Variants in TRIM59 observed in about 807,000 individuals in gnomAD.
TRIM59 encodes the protein tripartite motif-containing protein 59.
Under a neutral mutation model 32.2 loss-of-function variants are expected in TRIM59, and 14 were observed. That is an observed-to-expected ratio of 0.43 (90% CI 0.29 to 0.68). The LOEUF is 0.68. Among genes scored for constraint, TRIM59 ranks in the 30% least tolerant of loss-of-function variants. TRIM59 has a pLI of 0.15. For synonymous variants in TRIM59, 163 were observed against 155.1 expected (o/e 1.05, Z -0.38); for missense variants, 471 against 463.3 (o/e 1.02, Z -0.15).
chr3:160,442,016 A>T (rs996995402), intron 2 of TRIM59, among the ~76,000 whole-genome samples: 8 of 152,178 alleles, frequency 5.3e-5, no homozygotes, highest in Non-Finnish European at 1.2e-4. Flanking sequence ...ACCCAAGAAA[A>T]ACAAATGTGT....
intron 2 of TRIM59, among the ~76,000 whole-genome samples, chr3:160,443,705 T>C (rs1176409810): frequency 6.6e-6 from 1 of 151,984 alleles, no homozygotes; most frequent in East Asian, 1.9e-4. Context: ...GTGGCCGCTA[T>C]CTCCTCTCAC....
Position 160,435,759 on chromosome 3 carries a change from C to G in TRIM59, c.*2213G>C, listed in dbSNP as rs773369775. The G allele has an allele frequency of 1.5e-4, 54 of 368,566 alleles. No homozygotes were observed. Among genetic ancestry groups the G allele is most frequent in the Admixed American group, 8.0e-4 (21 of 26,254 alleles). The allele number at this position is 368,566 out of a possible 1,614,324, so 22.8% of individuals were successfully genotyped here. Reference sequence around the variant, plus strand: ...TATACTTACGTTTTTAGCATTCTTACAGATTACAAACCCTTACCAACATTA... The same window carrying G: ...TATACTTACGTTTTTAGCATTCTTAGAGATTACAAACCCTTACCAACATTA... On this transcript the variant is annotated 3_prime_UTR_variant, in exon 3 of 3. Transcript: ENST00000309784.
rs531909165 is a variant in TRIM59 at position 160,445,373 on chromosome 3, C to T, written c.-4+3353G>A. ...CCAGGCTGCAATGAGCCATGAGCCA[C>T]GGTCGTTCCACTGCATTCCAGCCTA... is the stretch of plus-strand genomic sequence containing the variant. On this transcript the variant is annotated intron_variant, in intron 2 of 2. Coordinates refer to ENST00000309784, the MANE Select transcript of TRIM59 (RefSeq NM_173084.3). Among the ~76,000 whole-genome samples the T allele has an allele frequency of 1.2e-4, 18 of 152,030 alleles. No homozygotes were observed. The South Asian group carries it at 3.5e-3, about 30-fold the overall frequency.
At position 160,438,995 on chromosome 3, in the gene TRIM59, A is replaced by C. The variant is rs1719112662; in HGVS notation, c.189T>G (p.Thr63=). The C allele has an allele frequency of 6.2e-7, 1 of 1,613,908 alleles. No homozygotes were observed. Among genetic ancestry groups the C allele is most frequent in the African/African-American group, 1.3e-5 (1 of 75,046 alleles). ...ATTCAATGCCAGTTGGAGCAATTTC[A>C]GTAATACTTCTGCAATTAGGGCACT... The part of the protein sequence containing the change: ...PLKCPNCRSI[T]EIAPTGIESL... The change falls in exon 3 of 3, where the codon ACT becomes ACG. Residue 63 remains threonine (T), a synonymous_variant. Transcript: ENST00000309784.
chr3:160,438,361 C>G lies in TRIM59; in HGVS notation c.823G>C (p.Val275Leu), dbSNP rs544309955. Reference sequence around the variant, plus strand: ...TTGCTTACTCGAGGATAAATTTCAACGGGTTGAACCTCAGGAAGTGGTCTT... The same window carrying G: ...TTGCTTACTCGAGGATAAATTTCAAGGGGTTGAACCTCAGGAAGTGGTCTT... ...KQRPLPEVQPVEIYPRVSKIL... is the reference protein window; with the variant it reads ...KQRPLPEVQPLEIYPRVSKIL... Residue 275 changes from valine to leucine, a missense_variant, in exon 3 of 3, where the codon GTT becomes CTT. By Grantham distance (32) the Val-to-Leu change is conservative. Transcript: ENST00000309784. The G allele has an allele frequency of 6.2e-7, 1 of 1,613,454 alleles. No individual in the cohort carries two copies.
chr3:160,442,219 T>C (rs1389062925), intron 2 of TRIM59, among the ~76,000 whole-genome samples: 1 of 152,186 alleles, frequency 6.6e-6, no homozygotes, highest in Admixed American at 6.6e-5. Context: ...CCCTATTCTA[T>C]GCTTGCAGAA....
At chr3:160,449,388 CCCT>C in intron 1 of TRIM59, 1 of 742,896 alleles carries the variant, frequency 1.3e-6, no homozygotes. Flanking sequence ...TCCCAGGCCT[CCCT>C]CCTAACGCGC....
At chr3:160,442,606 T>G (rs1275467579) in intron 2 of TRIM59, among the ~76,000 whole-genome samples, 1 of 151,966 alleles carries the variant, frequency 6.6e-6, no homozygotes, top group Admixed American at 6.6e-5. Context: ...TCAAAGTTAC[T>G]GCTATCATAT....
In TRIM59 at chr3:160,438,515, T is replaced by G. The variant is rs1719090074; in HGVS notation, c.669A>C (p.Glu223Asp). The change falls in exon 3 of 3, where the codon GAA becomes GAC. Residue 223 changes from glutamate (E) to aspartate (D), a missense_variant. Coordinates refer to ENST00000309784, the MANE Select transcript of TRIM59 (RefSeq NM_173084.3). Reference sequence around the variant, plus strand: ...GCTGCTCTCGTATTTCCTTCATTCTTTCAATTTGTGGAGTATATTCTTGAT... The same window carrying G: ...GCTGCTCTCGTATTTCCTTCATTCTGTCAATTTGTGGAGTATATTCTTGAT... The part of the protein sequence containing the change: ...LINQEYTPQI[E>D]RMKEIREQQL... The G allele has an allele frequency of 3.1e-6, 5 of 1,612,100 alleles. No individual in the cohort carries two copies. The Admixed American group carries it at 5.0e-5, about 16-fold the overall frequency.
In TRIM59 at chr3:160,437,235, T is replaced by C. The variant is rs1444527106; in HGVS notation, c.*737A>G. ...GCCAGGCATGGGGGTGTGTGCCTTG[T>C]CCCAGCTGCTCCAGAGGCAGAGGCG... On this transcript the variant is annotated 3_prime_UTR_variant, in exon 3 of 3. Transcript: ENST00000309784. 1.8e-6 allele frequency: 1 copy of C among 562,888 alleles called. No homozygotes were observed. Among genetic ancestry groups the C allele is most frequent in the Non-Finnish European group, 2.2e-6 (1 of 444,492 alleles). 34.9% of individuals were successfully genotyped at this position (562,888 alleles called of 1,614,324 possible).
At chr3:160,442,935 C>G (rs1320579722) in intron 2 of TRIM59, among the ~76,000 whole-genome samples, 1 of 152,078 alleles carries the variant, frequency 6.6e-6, no homozygotes, top group Admixed American at 6.5e-5. Context: ...CTGGGCAACA[C>G]CAAGAGACCC....
chr3:160,448,963 T>A (rs1220508374), intron 1 of TRIM59, 168 bp from the exon 2 acceptor site: 2 of 328,742 alleles, frequency 6.1e-6, no homozygotes, highest in East Asian at 1.9e-4. Flanking sequence ...GAGGTATCGC[T>A]TGTTCCTTGA....
chr3:160,448,125 AAAAAAT>A (rs1258766104), intron 2 of TRIM59, among the ~76,000 whole-genome samples: 7 of 152,226 alleles, frequency 4.6e-5, no homozygotes, highest in African/African-American at 7.2e-5. Flanking sequence ...TCCCTAAACT[AAAAAAT>A]AAAAATAAAA....
rs1718941803 is a variant in TRIM59, at chr3:160,436,298, A to G, written c.*1674T>C. 2 of 986,922 alleles carry G rather than the reference A, an allele frequency of 2.0e-6. No homozygotes were observed. Among genetic ancestry groups the G allele is most frequent in the African/African-American group, 3.5e-5 (2 of 57,234 alleles). The allele number at this position is 986,922 out of a possible 1,614,324, so 61.1% of individuals were successfully genotyped here. A position where few individuals can be genotyped will look rare whatever the true frequency, so the allele number is the denominator to read the frequency against. On this transcript the variant is annotated 3_prime_UTR_variant, in exon 3 of 3. Coordinates refer to ENST00000309784, the MANE Select transcript of TRIM59 (RefSeq NM_173084.3). Reference sequence around the variant, plus strand: ...AGGAGCATAGTCTAATCTGACCCAGAATGTCTTTTTGATTTGATATAGGTA... The same window carrying G: ...AGGAGCATAGTCTAATCTGACCCAGGATGTCTTTTTGATTTGATATAGGTA...
At position 160,442,558 on chromosome 3, in the gene TRIM59, G is replaced by GAAA. The variant is rs879824298; in HGVS notation, c.-3-3375_-3-3373dup. Among the ~76,000 whole-genome samples, 7 of 139,296 alleles carry GAAA rather than the reference G, an allele frequency of 5.0e-5. No homozygotes were observed. In the South Asian group the frequency reaches 1.4e-3, roughly 27 times the overall value. 91.4% of individuals were successfully genotyped at this position (139,296 alleles called of 152,430 possible). Reference sequence around the variant, plus strand: ...GAGCAAGACTCTGTCTCAAAAAAAGGAAAAAAAAAAAATAGGAAGCAAAAA... The same window carrying GAAA: ...GAGCAAGACTCTGTCTCAAAAAAAGGAAAAAAAAAAAAAAATAGGAAGCAAAAA... On this transcript the variant is annotated intron_variant, in intron 2 of 2. Transcript: ENST00000309784.
chr3:160,440,696 G>A (rs1719196392), intron 2 of TRIM59, among the ~76,000 whole-genome samples: 1 of 152,114 alleles, frequency 6.6e-6, no homozygotes, highest in Non-Finnish European at 1.5e-5. Context: ...CGGATCACCT[G>A]AGGTTGGGAG....
At position 160,437,931 on chromosome 3, in the gene TRIM59, T is replaced by C. The variant is rs889129911; in HGVS notation, c.*41A>G. The C allele has an allele frequency of 2.7e-6, 4 of 1,476,332 alleles. No homozygotes were observed. The African/African-American group carries it at 5.7e-5, about 21-fold the overall frequency. The allele number at this position is 1,476,332 out of a possible 1,614,324, so 91.5% of individuals were successfully genotyped here. On this transcript the variant is annotated 3_prime_UTR_variant, in exon 3 of 3. Transcript: ENST00000309784. ...TGCTACCCCATTTTTTGTTTAGCAA[T>C]GTACAGAATAAGCCCATTTAAACAA... is the stretch of plus-strand genomic sequence containing the variant.
At chr3:160,449,382 A>T in intron 1 of TRIM59, 2 of 690,572 alleles carry the variant, frequency 2.9e-6, no homozygotes, top group Non-Finnish European at 4.0e-6. Context: ...CCACTCTCCC[A>T]GGCCTCCCTC....
intron 2 of TRIM59, among the ~76,000 whole-genome samples, chr3:160,446,235 C>A (rs1719522871): frequency 6.6e-6 from 1 of 152,174 alleles, no homozygotes; most frequent in Non-Finnish European, 1.5e-5. Context: ...TGAGTGTGGA[C>A]TAGGCCCTAC....
Sources: gnomAD v4.1 joint callset for allele counts (sites outside exome capture counted in the v4.1 genomes callset) on GRCh38, gnomAD v4.1.1 for gene constraint, MANE v1.5 for transcripts, NCBI Gene and HGNC (gene_info 2026-07-23, HGNC 2026-07-21) for gene names.